Variants in EPHA6 observed in about 807,000 individuals in gnomAD.
The protein encoded by EPHA6 is EPH receptor A6.
Under a neutral mutation model 112.0 loss-of-function variants are expected in EPHA6, and 50 were observed. That is an observed-to-expected ratio of 0.45 (90% confidence interval 0.36 to 0.56). The LOEUF (loss-of-function observed/expected upper bound fraction) is 0.56. Among genes scored for constraint, EPHA6 ranks in the 20% least tolerant of loss-of-function variants. The pLI is 0.00. For synonymous variants in EPHA6, 529 were observed against 490.7 expected (o/e 1.08, Z -1.03); for missense variants, 1,280 against 1,417.4 (o/e 0.90, Z 1.56).
intron 5 of EPHA6, among the ~76,000 whole-genome samples, chr3:97,294,464 AATTC>A (rs1314157610): frequency 1.3e-5 from 2 of 151,220 alleles, no homozygotes; most frequent in East Asian, 3.9e-4. Context: ...TCATTTTTAA[AATTC>A]ATTCAACCAG....
chr3:97,285,408 C>T (rs2080431676), intron 5 of EPHA6, among the ~76,000 whole-genome samples: 1 of 152,096 alleles, frequency 6.6e-6, no homozygotes, highest in African/African-American at 2.4e-5. Flanking sequence ...TGCTCACTAT[C>T]ATTCTACTCT....
At chr3:97,294,709 T>C (rs1275490298) in intron 5 of EPHA6, among the ~76,000 whole-genome samples, 1 of 152,206 alleles carries the variant, frequency 6.6e-6, no homozygotes, top group Non-Finnish European at 1.5e-5. Context: ...GTGCATTTTA[T>C]ACATTCATGT....
At chr3:97,427,937 G>A (rs537099459) in intron 6 of EPHA6, among the ~76,000 whole-genome samples, 7 of 152,220 alleles carry the variant, frequency 4.6e-5, no homozygotes, top group Non-Finnish European at 1.0e-4. Context: ...GGTGGGGACG[G>A]TGCTGTCTAT....
intron 10 of EPHA6, among the ~76,000 whole-genome samples, chr3:97,498,763 T>C (rs1577583997): frequency 6.6e-6 from 1 of 152,282 alleles, no homozygotes; most frequent in East Asian, 1.9e-4. Flanking sequence ...ATTGTGAATG[T>C]GCATGTGAGG....
chr3:96,978,374 C>T (rs1377606631), intron 2 of EPHA6, among the ~76,000 whole-genome samples: 9 of 151,990 alleles, frequency 5.9e-5, no homozygotes. Flanking sequence ...AACCTGTGTT[C>T]AGGTTTCATC....
At chr3:97,556,994 C>G (rs1316330733) in intron 11 of EPHA6, among the ~76,000 whole-genome samples, 1 of 151,808 alleles carries the variant, frequency 6.6e-6, no homozygotes, top group Non-Finnish European at 1.5e-5. Context: ...TGTGTCTGCC[C>G]TCTATTATAT....
chr3:96,857,900 A>G (rs1245768328), intron 1 of EPHA6, among the ~76,000 whole-genome samples: 1 of 152,138 alleles, frequency 6.6e-6, no homozygotes, highest in Non-Finnish European at 1.5e-5. Flanking sequence ...ATGACCCAAT[A>G]ACCATGTTTT....
chr3:97,466,410 A>G lies in EPHA6; in HGVS notation c.1895-8942A>G, dbSNP rs2091056242. On this transcript the variant is annotated intron_variant, in intron 7 of 17. Transcript: ENST00000389672. ...TAATTATTTTCTCTTGGTTCATTAT[A>G]TTCCATAGGACTCTCCATTTCAAGT... The G allele has an allele frequency of 1.2e-5, 19 of 1,605,698 alleles. No individual in the cohort carries two copies. In the East Asian group the frequency reaches 4.2e-4, roughly 36 times the overall value.
chr3:97,352,281 G>A (rs531392955), intron 5 of EPHA6, among the ~76,000 whole-genome samples: 23 of 152,142 alleles, frequency 1.5e-4, no homozygotes, highest in African/African-American at 4.6e-4. Context: ...CCCCCAACAG[G>A]AGCACCAAAT....
Position 97,748,875 on chromosome 3 carries a change from T to C in EPHA6, c.*174T>C. 1 of 584,540 alleles carries C rather than the reference T, an allele frequency of 1.7e-6. No individual in the cohort carries two copies. The highest frequency in any genetic ancestry group is 3.1e-6 in the Non-Finnish European group (1 of 324,262). 36.2% of individuals were successfully genotyped at this position (584,540 alleles called of 1,614,324 possible). On this transcript the variant is annotated 3_prime_UTR_variant, in exon 18 of 18. Coordinates refer to ENST00000389672, the MANE Select transcript of EPHA6 (RefSeq NM_001080448.3). ...TCCAACCAGGATTTTAAAATCATGC[T>C]ACATAAATCCGTTCTGAATAACCTG...
chr3:97,324,910 C>A (rs149620795), intron 5 of EPHA6, among the ~76,000 whole-genome samples: 1 of 152,204 alleles, frequency 6.6e-6, no homozygotes, highest in East Asian at 1.9e-4. Context: ...TTTGCACATA[C>A]ACATTCAGGA....
chr3:97,023,482 T>C (rs2044531742), intron 3 of EPHA6, among the ~76,000 whole-genome samples: 1 of 152,112 alleles, frequency 6.6e-6, no homozygotes, highest in Non-Finnish European at 1.5e-5. Context: ...TTATTCTTAT[T>C]TATTTTTATC....
chr3:97,450,216 G>C (rs1450236348), intron 7 of EPHA6, among the ~76,000 whole-genome samples: 1 of 151,932 alleles, frequency 6.6e-6, no homozygotes, highest in African/African-American at 2.4e-5. Flanking sequence ...ATTTGTCCCT[G>C]TTATGTCTTT....
intron 5 of EPHA6, among the ~76,000 whole-genome samples, chr3:97,401,904 C>G (rs1429041368): frequency 6.6e-6 from 1 of 151,598 alleles, no homozygotes. Context: ...TAATTTCTTT[C>G]CTGATTTGTT....
intron 6 of EPHA6, among the ~76,000 whole-genome samples, chr3:97,447,540 C>T (rs893709092): frequency 1.8e-4 from 27 of 152,082 alleles, no homozygotes; most frequent in Non-Finnish European, 3.4e-4. Context: ...TCCAGATACC[C>T]TATTAAAATA....
intron 5 of EPHA6, among the ~76,000 whole-genome samples, chr3:97,324,405 T>TTTC (rs2082269089): frequency 3.8e-5 from 4 of 104,492 alleles, no homozygotes; most frequent in East Asian, 2.7e-4. Context: ...GCTTTCCTTC[T>TTTC]TTTCTTTCTT....
chr3:96,941,706 G>A (rs950539095), intron 2 of EPHA6, among the ~76,000 whole-genome samples: 54 of 152,294 alleles, frequency 3.5e-4, no homozygotes, highest in African/African-American at 1.3e-3. Context: ...TTTCTGCTCT[G>A]TTTTTTCCCC....
At position 97,455,910 on chromosome 3, in the gene EPHA6, G is replaced by A. The variant is rs553254908; in HGVS notation, c.1894+7180G>A. On this transcript the variant is annotated intron_variant, in intron 7 of 17. Transcript: ENST00000389672. ...CCTAGATCAAATAAGGATTTTAAAT[G>A]ATGGGAACCAGGCTTATGTACCATA... Among the ~76,000 whole-genome samples, 3 of 151,892 alleles carry A rather than the reference G, an allele frequency of 2.0e-5. No homozygotes were observed. The South Asian group carries it at 6.2e-4, about 32-fold the overall frequency.
intron 5 of EPHA6, among the ~76,000 whole-genome samples, chr3:97,370,686 C>A (rs2084997993): frequency 6.6e-6 from 1 of 152,038 alleles, no homozygotes; most frequent in Non-Finnish European, 1.5e-5. Context: ...ACATGACATG[C>A]CCAATTTCAT....
Sources: allele counts gnomAD v4.1 joint callset (sites outside exome capture counted in the v4.1 genomes callset), GRCh38; gene constraint gnomAD v4.1.1; transcripts MANE v1.5; gene names NCBI Gene and HGNC (gene_info 2026-07-23, HGNC 2026-07-21).